The following PPP4R3B variants were observed in gnomAD, a reference collection of about 807,000 sequenced individuals.
The protein encoded by PPP4R3B is serine/threonine-protein phosphatase 4 regulatory subunit 3B.
Under a neutral mutation model 95.4 loss-of-function variants are expected in PPP4R3B, and 52 were observed. That is an observed-to-expected ratio of 0.54 (90% confidence interval 0.44 to 0.69). PPP4R3B has a LOEUF of 0.69. Among genes scored for constraint, PPP4R3B ranks in the 30% least tolerant of loss-of-function variants. The pLI, the probability that PPP4R3B is intolerant of heterozygous loss-of-function variation, is 0.00. For missense variants in PPP4R3B, 1,003 were observed against 1,005.9 expected, an observed-to-expected ratio of 1.00 and a Z score of 0.04; for synonymous variants, 407 against 343.9, an observed-to-expected ratio of 1.18 and a Z score of -2.03.
chr2:55,597,738 T>C (rs1691997849), intron 4 of PPP4R3B, among the ~76,000 whole-genome samples: 1 of 151,736 alleles, frequency 6.6e-6, no homozygotes, highest in Non-Finnish European at 1.5e-5. Context: ...GAGGCAGAGG[T>C]TGCGGCGAGC....
In PPP4R3B at chr2:55,578,271, T is replaced by C. The variant is rs1457360666; in HGVS notation, c.1540A>G (p.Thr514Ala). 2.7e-6 allele frequency: 4 copies of C among 1,475,044 alleles called. No individual in the cohort carries two copies. Among genetic ancestry groups the C allele is most frequent in the East Asian group, 2.6e-5 (1 of 38,616 alleles). The allele number at this position is 1,475,044 out of a possible 1,614,324, so 91.4% of individuals were successfully genotyped here. ...CTPSHSHSHS[T>A]PSSSISQDNI... ...CCTTGAGAGATGGAGGAAGAGGGGG[T>C]AGAATGGGAATGGGAATGTGAAGGG... is the stretch of plus-strand genomic sequence containing the variant. Residue 514 changes from threonine (T) to alanine (A), a missense_variant, in exon 10 of 17, where the codon ACC (threonine) becomes GCC (alanine). Around this residue, in one of 3 missense-constraint regions of PPP4R3B, gnomAD observed 695 missense variants for 686.2 expected, o/e 1.01. Transcript: ENST00000616407.
intron 3 of PPP4R3B, among the ~76,000 whole-genome samples, chr2:55,599,914 T>C: frequency 6.6e-6 from 1 of 152,224 alleles, no homozygotes; most frequent in Non-Finnish European, 1.5e-5. Flanking sequence ...CCTTCATTCA[T>C]TTCAAAGGAA....
intron 8 of PPP4R3B, among the ~76,000 whole-genome samples, chr2:55,581,365 T>A (rs978540156): frequency 6.6e-6 from 1 of 152,228 alleles, no homozygotes. Flanking sequence ...CCAAGGGCCA[T>A]AAATGGAATT....
At chr2:55,611,176 T>A (rs1042556934) in intron 2 of PPP4R3B, among the ~76,000 whole-genome samples, 5 of 151,918 alleles carry the variant, frequency 3.3e-5, no homozygotes, top group African/African-American at 1.2e-4. Flanking sequence ...TCTTGTTTTT[T>A]ATTAAGATAT....
chr2:55,617,598 C>CA lies in PPP4R3B; in HGVS notation c.-314_-313insT. 3.8e-6 allele frequency: 1 copy of CA among 264,908 alleles called. No homozygotes were observed. The highest frequency in any genetic ancestry group is 5.1e-5 in the Admixed American group (1 of 19,712). 16.4% of individuals were successfully genotyped at this position (264,908 alleles called of 1,614,324 possible). On this transcript the variant is annotated 5_prime_UTR_variant, in exon 1 of 17. Transcript: ENST00000616407. ...CTACTACAGATCCGCCATCTTGTAA[C>CA]CCGACTCTCTCTGCCTTTCTCTTCC...
intron 16 of PPP4R3B, among the ~76,000 whole-genome samples, chr2:55,556,249 A>G (rs1344180489): frequency 6.6e-6 from 1 of 152,244 alleles, no homozygotes; most frequent in East Asian, 1.9e-4. Context: ...CTGTTTCCCA[A>G]GAACACTGTT....
Position 55,598,560 on chromosome 2 carries a change from T to C in PPP4R3B, c.777A>G (p.Leu259=), listed in dbSNP as rs1434728578. The C allele has an allele frequency of 6.2e-7, 1 of 1,614,228 alleles. No homozygotes were observed. The highest frequency in any genetic ancestry group is 8.5e-7 in the Non-Finnish European group (1 of 1,180,042). The change falls in exon 4 of 17, where the codon CTA becomes CTG. Residue 259 remains leucine (L), a synonymous_variant. Transcript: ENST00000616407. ...TGTAAGTCTGATGTATTTTTTGCCT[T>C]AGTTCAGAGTCTGTTATTGGTATAA... The part of the protein sequence containing the change: ...KEVIPITDSE[L]RQKIHQTYRV...
intron 12 of PPP4R3B, among the ~76,000 whole-genome samples, chr2:55,569,233 G>A (rs1470433244): frequency 6.6e-6 from 1 of 152,092 alleles, no homozygotes; most frequent in Non-Finnish European, 1.5e-5. Context: ...CTGGGAAGAT[G>A]CCCGTTGCCA....
rs1264244867 is a variant in PPP4R3B, at chr2:55,585,150, T to C, written c.1134A>G (p.Gln378=). The C allele has an allele frequency of 1.2e-6, 2 of 1,608,382 alleles. No homozygotes were observed. Among genetic ancestry groups the C allele is most frequent in the Non-Finnish European group, 8.5e-7 (1 of 1,177,922 alleles). ...LEIVMGMDDL[Q]VRSAATDIFS... The stretch of plus-strand genomic sequence containing the variant: ...ATATATCTGTAGCAGCTGATCTGAC[T>C]TGCAAATCATCCATGCCCTGATAAA... Residue 378 remains glutamine, a synonymous_variant, in exon 7 of 17, where the codon CAA becomes CAG. Transcript: ENST00000616407.
intron 1 of PPP4R3B, among the ~76,000 whole-genome samples, chr2:55,615,729 G>T (rs1694802958): frequency 1.3e-5 from 2 of 151,852 alleles, no homozygotes; most frequent in South Asian, 4.2e-4. Flanking sequence ...GCGCATGCCT[G>T]TAGTCCCAGG....
chr2:55,559,664 T>C (rs1419431644), intron 15 of PPP4R3B, among the ~76,000 whole-genome samples: 1 of 152,166 alleles, frequency 6.6e-6, no homozygotes, highest in Non-Finnish European at 1.5e-5. Context: ...TTGTTTCCCA[T>C]TCACCTTCCG....
At chr2:55,601,996 CTA>C (rs1283875811) in intron 3 of PPP4R3B, among the ~76,000 whole-genome samples, 4 of 151,498 alleles carry the variant, frequency 2.6e-5, no homozygotes, top group Admixed American at 6.6e-5. Flanking sequence ...GGTCTGGAAC[CTA>C]AGAAGAAAAA....
Position 55,586,686 on chromosome 2 carries a change from G to C in PPP4R3B, c.1048C>G (p.Gln350Glu). 6.2e-7 allele frequency: 1 copy of C among 1,609,736 alleles called. No homozygotes were observed. Among genetic ancestry groups the C allele is most frequent in the Non-Finnish European group, 8.5e-7 (1 of 1,178,154 alleles). The change falls in exon 6 of 17, where the codon CAA (glutamine) becomes GAA (glutamate). Residue 350 changes from glutamine (Q) to glutamate (E), a missense_variant. Physicochemically the swap from Gln to Glu is conservative, Grantham distance 29. Coordinates refer to ENST00000616407, the MANE Select transcript of PPP4R3B (RefSeq NM_001122964.3). The stretch of plus-strand genomic sequence containing the variant: ...GTTTTGAAAAATGCATCCCTGTTTT[G>C]AGGTTGTAATGTCTGAGAAAATGCA... ...FCAFSQTLQP[Q>E]NRDAFFKTLA...
chr2:55,572,388 T>A (rs921804244), intron 12 of PPP4R3B, among the ~76,000 whole-genome samples: 1 of 152,136 alleles, frequency 6.6e-6, no homozygotes, highest in African/African-American at 2.4e-5. Flanking sequence ...CATGATAAAT[T>A]GTTAATATCT....
intron 15 of PPP4R3B, among the ~76,000 whole-genome samples, chr2:55,560,687 C>G (rs1436114428): frequency 7.0e-6 from 1 of 142,970 alleles, no homozygotes; most frequent in Non-Finnish European, 1.5e-5. Flanking sequence ...TGAGGCAGGA[C>G]AATCAGTTGA....
At position 55,598,785 on chromosome 2, in the gene PPP4R3B, G is replaced by C; in HGVS notation, c.552C>G (p.Asn184Lys). 1 of 1,614,182 alleles carries C rather than the reference G, an allele frequency of 6.2e-7. No individual in the cohort carries two copies. The highest frequency in any genetic ancestry group is 8.5e-7 in the Non-Finnish European group (1 of 1,180,032). Residue 184 changes from asparagine to lysine, a missense_variant, in exon 4 of 17, where the codon AAC (asparagine) becomes AAG (lysine). Physicochemically the swap from Asn to Lys is moderately conservative, Grantham distance 94. This residue lies in a region of PPP4R3B where 695 missense variants were observed against 686.2 expected (regional missense o/e 1.01). Transcript: ENST00000616407. The stretch of plus-strand genomic sequence containing the variant: ...GGTGTAAGCCTTCAGTGTTTTCTAG[G>C]TTCTCGCAAGCTTGGAACAGCTGCA... ...KLLQLFQACE[N>K]LENTEGLHHL...
rs771696663 is a variant in PPP4R3B, at chr2:55,585,088, C to T, written c.1196G>A (p.Arg399Gln). Reference protein sequence around the residue: ...YLVEFSPSMVREFVMQEAQQS... With the variant: ...YLVEFSPSMVQEFVMQEAQQS... ...CTGAGCTTCTTGCATTACAAACTCT[C>T]GGACCATAGATGGACTAAATTCTAC... Residue 399 changes from arginine to glutamine, a missense_variant, in exon 7 of 17, where the codon CGA becomes CAA. Arg to Gln is a conservative substitution (Grantham distance 43, BLOSUM62 1). Around this residue, in one of 3 missense-constraint regions of PPP4R3B, gnomAD observed 695 missense variants for 686.2 expected, o/e 1.01. Transcript: ENST00000616407. 7 of 1,611,484 alleles carry T rather than the reference C, an allele frequency of 4.3e-6. 1 individual carries two copies. Among genetic ancestry groups the T allele is most frequent in the Admixed American group, 1.7e-5 (1 of 59,708 alleles).
intron 4 of PPP4R3B, among the ~76,000 whole-genome samples, chr2:55,592,953 G>A (rs1188719815): frequency 6.6e-6 from 1 of 152,084 alleles, no homozygotes; most frequent in East Asian, 1.9e-4. Flanking sequence ...CTGAGGTTGG[G>A]AGTTCAAGAC....
chr2:55,600,426 C>CAAAAAAAA lies in PPP4R3B; in HGVS notation c.298-1395_298-1388dup, dbSNP rs60764774. The stretch of plus-strand genomic sequence containing the variant: ...GGGCAACGAGAGTGAAACTCTGTCT[C>CAAAAAAAA]AAAAAAAAAAAAAAAAAAAAAAAAA... On this transcript the variant is annotated intron_variant, in intron 3 of 16. Transcript: ENST00000616407. 8.1e-3 allele frequency among the ~76,000 whole-genome samples: 180 copies of CAAAAAAAA among 22,192 alleles called. 54 individuals carry two copies. Among genetic ancestry groups the CAAAAAAAA allele is most frequent in the Admixed American group, 0.012 (12 of 984 alleles). The allele number at this position is 22,192 out of a possible 152,430, so 14.6% of individuals were successfully genotyped here.
Sources: gnomAD v4.1 joint callset for allele counts (sites outside exome capture counted in the v4.1 genomes callset) on GRCh38, gnomAD v4.1.1 for gene constraint, gnomAD v4.1.1 regional missense constraint, MANE v1.5 for transcripts, NCBI Gene and HGNC (gene_info 2026-07-23, HGNC 2026-07-21) for gene names.